Variants in DOCK3 observed in about 807,000 individuals in gnomAD.
DOCK3 encodes the protein dedicator of cytokinesis 3.
DOCK3 carries 60 observed loss-of-function variants against 265.6 expected under a neutral mutation model. The observed-to-expected ratio is 0.23, with a 90% confidence interval of 0.18 to 0.28. The LOEUF is 0.28. Ranked by LOEUF, DOCK3 falls within the 10% of genes least tolerant of loss-of-function variation. The probability of loss-of-function intolerance (pLI) is 1.00; values close to 1 mark genes in which losing one functional copy is unlikely to be tolerated. For synonymous variants in DOCK3, 881 were observed against 938.0 expected, an observed-to-expected ratio of 0.94 and a Z score of 1.11; for missense variants, 1,981 against 2,594.3, an observed-to-expected ratio of 0.76 and a Z score of 5.14.
At chr3:50,800,614 A>G (rs2043023038) in intron 2 of DOCK3, among the ~76,000 whole-genome samples, 1 of 152,048 alleles carries the variant, frequency 6.6e-6, no homozygotes, top group Non-Finnish European at 1.5e-5. Flanking sequence ...TATTTTCAAA[A>G]AAAACAACTT....
chr3:51,287,910 TAAAG>T (rs2081500459), intron 27 of DOCK3, among the ~76,000 whole-genome samples: 2 of 152,284 alleles, frequency 1.3e-5, no homozygotes, highest in Admixed American at 6.5e-5. Flanking sequence ...GTAGACTAGA[TAAAG>T]AAAGTGTGCT....
chr3:50,703,343 G>A (rs532478270), intron 1 of DOCK3, among the ~76,000 whole-genome samples: 22 of 152,194 alleles, frequency 1.4e-4, no homozygotes, highest in African/African-American at 5.1e-4. Flanking sequence ...TTTAGTATCA[G>A]AGTATTGCTT....
chr3:50,710,381 G>A (rs2036680399), intron 1 of DOCK3, among the ~76,000 whole-genome samples: 1 of 152,084 alleles, frequency 6.6e-6, no homozygotes, highest in Non-Finnish European at 1.5e-5. Context: ...CTCAAAAGAC[G>A]ATATACAAAT....
At chr3:51,303,560 A>G (rs1303496963) in intron 27 of DOCK3, among the ~76,000 whole-genome samples, 1 of 151,484 alleles carries the variant, frequency 6.6e-6, no homozygotes, top group East Asian at 1.9e-4. Context: ...GTCTAGCGTC[A>G]ATCTTTGAGG....
intron 5 of DOCK3, among the ~76,000 whole-genome samples, chr3:51,049,615 T>C (rs2080912249): frequency 6.6e-6 from 1 of 152,116 alleles, no homozygotes; most frequent in Non-Finnish European, 1.5e-5. Context: ...GCTCAAAATT[T>C]TAGAATTTTG....
intron 27 of DOCK3, among the ~76,000 whole-genome samples, chr3:51,281,460 T>C (rs1448800158): frequency 3.3e-5 from 5 of 152,266 alleles, no homozygotes; most frequent in South Asian, 4.1e-4. Context: ...TATTTGCTTA[T>C]GCTTTGTTTT....
chr3:51,053,193 C>T (rs1254456716), intron 5 of DOCK3, among the ~76,000 whole-genome samples: 1 of 144,602 alleles, frequency 6.9e-6, no homozygotes, highest in Non-Finnish European at 1.5e-5. Context: ...CTGTCCCTAT[C>T]TCTCCCCATT....
At chr3:50,717,125 C>T (rs2037165985) in intron 1 of DOCK3, among the ~76,000 whole-genome samples, 1 of 152,018 alleles carries the variant, frequency 6.6e-6, no homozygotes, top group African/African-American at 2.4e-5. Context: ...ATGGATATGC[C>T]ATAATTTAAC....
At chr3:50,973,071 T>TTTTTTTTTTTTC in intron 5 of DOCK3, among the ~76,000 whole-genome samples, 1 of 144,898 alleles carries the variant, frequency 6.9e-6, no homozygotes, top group African/African-American at 2.5e-5. Context: ...TTTTTTTTTT[T>TTTTTTTTTTTTC]TTGCAGTTCC....
At chr3:51,357,521 C>T (rs903648922) in intron 44 of DOCK3, among the ~76,000 whole-genome samples, 1 of 152,150 alleles carries the variant, frequency 6.6e-6, no homozygotes, top group Non-Finnish European at 1.5e-5. Context: ...CATCCAGGCT[C>T]CATGAGGGAC....
intron 3 of DOCK3, among the ~76,000 whole-genome samples, chr3:50,843,522 C>T (rs1332379095): frequency 6.6e-6 from 1 of 152,100 alleles, no homozygotes. Context: ...ATTCTCTTTC[C>T]TACAAAAAAC....
At chr3:50,912,676 T>C (rs2049920887) in intron 4 of DOCK3, among the ~76,000 whole-genome samples, 1 of 152,028 alleles carries the variant, frequency 6.6e-6, no homozygotes, top group South Asian at 2.1e-4. Flanking sequence ...TTCCCCCTTT[T>C]CCCTCCCTTT....
At chr3:50,797,004 G>A (rs182863073) in intron 2 of DOCK3, among the ~76,000 whole-genome samples, 5 of 152,292 alleles carry the variant, frequency 3.3e-5, no homozygotes, top group African/African-American at 1.2e-4. Context: ...CTGGAACACA[G>A]GTCACTTACA....
At chr3:51,072,879 T>A (rs1448609592) in intron 6 of DOCK3, among the ~76,000 whole-genome samples, 1 of 151,716 alleles carries the variant, frequency 6.6e-6, no homozygotes, top group Non-Finnish European at 1.5e-5. Context: ...CTAATTTTTT[T>A]TTTTTTTTTT....
At chr3:51,062,359 C>A (rs756785225) in intron 5 of DOCK3, among the ~76,000 whole-genome samples, 2 of 152,150 alleles carry the variant, frequency 1.3e-5, no homozygotes, top group Admixed American at 1.3e-4. Context: ...CCTGAACATG[C>A]CATGTTTACT....
At chr3:51,141,670 C>T (rs2085074579) in intron 9 of DOCK3, among the ~76,000 whole-genome samples, 1 of 151,972 alleles carries the variant, frequency 6.6e-6, no homozygotes, top group East Asian at 1.9e-4. Flanking sequence ...TGATCTGATT[C>T]GTATTTTAAA....
In DOCK3 at chr3:50,783,278, G is replaced by C. The variant is rs2042019173; in HGVS notation, c.121+4520G>C. Among the ~76,000 whole-genome samples the C allele has an allele frequency of 2.0e-5, 3 of 151,996 alleles. No homozygotes were observed. The South Asian group carries it at 6.2e-4, about 32-fold the overall frequency. On this transcript the variant is annotated intron_variant, in intron 2 of 52. Transcript: ENST00000266037. ...ACTGTTTTTCATAGTGGTTGTACCA[G>C]TTTATGTTCTCATCAGCAGTATAAA...
chr3:51,227,009 G>T (rs2090356746), intron 15 of DOCK3, among the ~76,000 whole-genome samples: 2 of 152,102 alleles, frequency 1.3e-5, no homozygotes, highest in South Asian at 4.1e-4. Context: ...TGATTTAGAT[G>T]CACCACCCTG....
intron 21 of DOCK3, among the ~76,000 whole-genome samples, chr3:51,241,219 A>T (rs1012459735): frequency 2.0e-5 from 3 of 152,020 alleles, no homozygotes; most frequent in Non-Finnish European, 1.5e-5. Flanking sequence ...TATTTATTGG[A>T]ATTTCTTTTC....
Sources: gnomAD v4.1 joint callset for allele counts (sites outside exome capture counted in the v4.1 genomes callset) on GRCh38, gnomAD v4.1.1 for gene constraint, MANE v1.5 for transcripts, NCBI Gene and HGNC (gene_info 2026-07-23, HGNC 2026-07-21) for gene names.